Variants in HNF1A observed in about 807,000 individuals in gnomAD.
HNF1A encodes hepatocyte nuclear factor 1-alpha.
HNF1A carries 21 observed loss-of-function variants against 62.2 expected under a neutral mutation model. The ratio of observed to expected loss-of-function variants is 0.34; its 90% CI spans 0.24 to 0.49. HNF1A has a LOEUF of 0.49. Ranked by LOEUF, HNF1A falls within the 20% of genes least tolerant of loss-of-function variation. HNF1A has a pLI of 0.99. For synonymous variants in HNF1A, 374 were observed against 366.8 expected (o/e 1.02, Z -0.22); for missense variants, 687 against 832.3 (o/e 0.83, Z 2.15).
At chr12:120,988,514 G>A (rs867557073) in intron 1 of HNF1A, among the ~76,000 whole-genome samples, 3 of 152,104 alleles carry the variant, frequency 2.0e-5, no homozygotes, top group Non-Finnish European at 2.9e-5. Context: ...CTTCATCTGT[G>A]TTGTGTGTCT....
chr12:120,995,464 C>T (rs1011260013), intron 4 of HNF1A, among the ~76,000 whole-genome samples: 1 of 152,092 alleles, frequency 6.6e-6, no homozygotes, highest in Non-Finnish European at 1.5e-5. Context: ...GTCCCATCCA[C>T]TCAACTCCAT....
chr12:120,988,249 CCA>C (rs1277982967), intron 1 of HNF1A, among the ~76,000 whole-genome samples: 20 of 132,172 alleles, frequency 1.5e-4, no homozygotes, highest in African/African-American at 4.5e-4. Flanking sequence ...ATCCATCCAT[CCA>C]TCATCCATCC....
chr12:120,994,306 T>C lies in HNF1A; in HGVS notation c.856T>C (p.Tyr286His), dbSNP rs2135842142. Residue 286 changes from tyrosine (Y) to histidine (H), a missense_variant, in exon 4 of 10, where the codon TAC becomes CAC. By Grantham distance (83) the Tyr-to-His change is moderately conservative. Transcript: ENST00000257555. ...AFRHKLAMDT[Y>H]SGPPPGPGPG... Reference sequence around the variant, plus strand: ...CCGGCACAAGCTGGCCATGGACACGTACAGCGGGCCCCCCCCAGGGCCAGG... The same window carrying C: ...CCGGCACAAGCTGGCCATGGACACGCACAGCGGGCCCCCCCCAGGGCCAGG... 6.2e-7 allele frequency: 1 copy of C among 1,612,026 alleles called. No homozygotes were observed. Among genetic ancestry groups the C allele is most frequent in the South Asian group, 1.1e-5 (1 of 90,760 alleles).
At chr12:120,999,152 G>A in intron 7 of HNF1A, 116 bp from the exon 8 acceptor site, 1 of 1,271,116 alleles carries the variant, frequency 7.9e-7, no homozygotes, top group Non-Finnish European at 1.1e-6. Context: ...ATCTCCAACT[G>A]CTGCCCAGTC....
At chr12:120,998,854 ATAGCACCTGTGTTTAGTATAG>A (rs1018700045) in intron 7 of HNF1A, among the ~76,000 whole-genome samples, 4 of 152,138 alleles carry the variant, frequency 2.6e-5, no homozygotes, top group African/African-American at 7.2e-5. Context: ...TGCTTAGTAC[ATAGCACCTGTGTTTAGTATAG>A]TAGCACCTGT....
rs371717826 is a variant in HNF1A, at chr12:120,996,569, C to T, written c.1136C>T (p.Pro379Leu). ...LVSAAGGPLP[P>L]VSTLTALHSL... is the part of the protein sequence containing the mutation. ...TCAGCAGCTGGGGGCCCCCTCCCCC[C>T]TGTCAGCACCCTGACAGCACTGCAC... Residue 379 changes from proline (P) to leucine (L), a missense_variant, in exon 6 of 10, where the codon CCT (proline) becomes CTT (leucine). By Grantham distance (98) the Pro-to-Leu change is moderately conservative. Around this residue, in one of 5 missense-constraint regions of HNF1A, gnomAD observed 408 missense variants for 455.3 expected, o/e 0.90. Coordinates refer to ENST00000257555, the MANE Select transcript of HNF1A (RefSeq NM_000545.8). This position sits in a 1 kb window ranked among gnomAD's most constrained non-coding sequence, Gnocchi z 4.5. 3 of 1,613,982 alleles carry T rather than the reference C, an allele frequency of 1.9e-6. No homozygotes were observed. Among genetic ancestry groups the T allele is most frequent in the South Asian group, 1.1e-5 (1 of 91,076 alleles).
chr12:120,992,921 G>A (rs144963231), intron 2 of HNF1A, among the ~76,000 whole-genome samples: 7 of 152,316 alleles, frequency 4.6e-5, no homozygotes, highest in African/African-American at 1.7e-4. Flanking sequence ...TTCTCATAAA[G>A]TGCTGTCCTA....
At chr12:120,997,007 G>A in intron 6 of HNF1A, 7 of 1,518,984 alleles carry the variant, frequency 4.6e-6, no homozygotes, top group Non-Finnish European at 6.2e-6. Context: ...AGGGTCTATG[G>A]GCAAATTACA....
At position 120,978,989 on chromosome 12, in the gene HNF1A, C is replaced by T. The variant is rs748212314; in HGVS notation, c.221C>T (p.Thr74Met). The change falls in exon 1 of 10, where the codon ACG becomes ATG. Residue 74 changes from threonine to methionine, a missense_variant. By Grantham distance (81) the Thr-to-Met change is moderately conservative. Transcript: ENST00000257555. ...LGETRGSEDETDDDGEDFTPP... is the reference protein window; with the variant it reads ...LGETRGSEDEMDDDGEDFTPP... ...GAGACTCGGGGCTCCGAGGACGAGA[C>T]GGACGACGATGGGGAAGACTTCACG... The T allele has an allele frequency of 1.4e-5, 23 of 1,608,310 alleles. No homozygotes were observed. In the South Asian group the frequency reaches 1.7e-4, roughly 12 times the overall value.
chr12:121,001,081 G>A lies in HNF1A; in HGVS notation c.1785G>A (p.Leu595=). ...SASPTVSSSS[L]VLYQSSDSSN... is the part of the protein sequence containing the mutation. ...CCTCTGCAGTGTCCTCCAGCAGCCT[G>A]GTGCTGTACCAGAGCTCAGACTCCA... Residue 595 remains leucine, a synonymous_variant, in exon 10 of 10, where the codon CTG becomes CTA. Coordinates refer to ENST00000257555, the MANE Select transcript of HNF1A (RefSeq NM_000545.8). The A allele has an allele frequency of 6.2e-7, 1 of 1,613,592 alleles. No individual in the cohort carries two copies. Among genetic ancestry groups the A allele is most frequent in the African/African-American group, 1.3e-5 (1 of 75,030 alleles).
intron 6 of HNF1A, 170 bp from the exon 7 acceptor site, chr12:120,997,304 A>G: frequency 7.2e-7 from 1 of 1,384,574 alleles, no homozygotes; most frequent in Non-Finnish European, 9.5e-7. Context: ...ATGACTTGCC[A>G]GAGCCACTTA....
At chr12:120,980,406 G>A (rs1311976097) in intron 1 of HNF1A, among the ~76,000 whole-genome samples, 3 of 152,036 alleles carry the variant, frequency 2.0e-5, no homozygotes, top group African/African-American at 7.2e-5. Flanking sequence ...TTTCCCAGAG[G>A]CCTCAGGGAG....
Position 120,996,149 on chromosome 12 carries a change from C to A in HNF1A, c.956-113C>A. On this transcript the variant is annotated intron_variant, in intron 4 of 9. Transcript: ENST00000257555. This position sits in a 1 kb window ranked among gnomAD's most constrained non-coding sequence, Gnocchi z 4.5. ...GGCAGATTTGCTGGCTGCATAAAGG[C>A]AGACAGGCAGCTGGCCTAAGCAAAC... 7.7e-7 allele frequency: 1 copy of A among 1,299,164 alleles called. No individual in the cohort carries two copies. Among genetic ancestry groups the A allele is most frequent in the Non-Finnish European group, 1.1e-6 (1 of 914,768 alleles). 80.5% of individuals were successfully genotyped at this position (1,299,164 alleles called of 1,614,324 possible). A position where few individuals can be genotyped will look rare whatever the true frequency, so the allele number is the denominator to read the frequency against.
intron 2 of HNF1A, among the ~76,000 whole-genome samples, chr12:120,991,636 TATGTATGCATGC>T (rs1565884942): frequency 1.7e-5 from 2 of 119,592 alleles, no homozygotes; most frequent in Non-Finnish European, 3.6e-5. Context: ...ATGATGTATG[TATGTATGCATGC>T]ATGCATGCAT....
chr12:120,997,799 G>T, intron 7 of HNF1A, 134 bp downstream of exon 7: 1 of 930,020 alleles, frequency 1.1e-6, no homozygotes, highest in South Asian at 1.4e-5. Context: ...CGTGATTGAG[G>T]GTGTCTGCAG....
intron 1 of HNF1A, among the ~76,000 whole-genome samples, chr12:120,987,708 C>T (rs1264617174): frequency 6.6e-6 from 1 of 151,834 alleles, no homozygotes; most frequent in Non-Finnish European, 1.5e-5. Flanking sequence ...AGAGTCCCAC[C>T]CACCTGAAAG....
At chr12:120,999,689 C>G in intron 9 of HNF1A, 62 bp downstream of exon 9, 1 of 1,556,788 alleles carries the variant, frequency 6.4e-7, no homozygotes, top group East Asian at 2.3e-5. Context: ...GTTGGTCCCA[C>G]CCCTTCTGTT....
At chr12:120,980,174 G>A (rs963033979) in intron 1 of HNF1A, among the ~76,000 whole-genome samples, 6 of 152,204 alleles carry the variant, frequency 3.9e-5, no homozygotes, top group Non-Finnish European at 1.5e-5. Flanking sequence ...GGAAACTGGG[G>A]CTTAGAGCCG....
At chr12:120,984,629 G>A (rs1055228334) in intron 1 of HNF1A, among the ~76,000 whole-genome samples, 2 of 151,988 alleles carry the variant, frequency 1.3e-5, no homozygotes, top group Admixed American at 1.3e-4. Flanking sequence ...ACTTTGTACT[G>A]CCCTTCCTTC....
Sources: allele counts gnomAD v4.1 joint callset (sites outside exome capture counted in the v4.1 genomes callset), GRCh38; gene constraint gnomAD v4.1.1; regional missense constraint gnomAD v4.1.1; non-coding constraint Gnocchi (gnomAD v3.1); transcripts MANE v1.5; gene names NCBI Gene and HGNC (gene_info 2026-07-23, HGNC 2026-07-21).